Variants in LRRFIP2 observed in about 807,000 individuals in gnomAD.
LRRFIP2 encodes the protein leucine-rich repeat flightless-interacting protein 2.
A neutral mutation model predicts 125.9 loss-of-function variants in LRRFIP2; 109 were observed. That is an observed-to-expected ratio of 0.87 (90% CI 0.74 to 1.01). The LOEUF is 1.01. LRRFIP2 is among the 50% of genes least tolerant of loss of function. The pLI is 0.00. For missense variants in LRRFIP2, 850 were observed against 862.3 expected (o/e 0.99, Z 0.18); for synonymous variants, 291 against 293.1 (o/e 0.99, Z 0.07).
upstream of LRRFIP2, chr3:37,175,994 C>T (rs1389552941): frequency 6.6e-6 from 1 of 152,188 alleles, no homozygotes; most frequent in South Asian, 2.1e-4. Context: ...CTGCGGAGGC[C>T]GGGAAAAAGG....
Position 37,156,673 on chromosome 3 carries a change from CAAAAAAAAA to C in LRRFIP2, c.-55-7644_-55-7636del, listed in dbSNP as rs59647339. Among the ~76,000 whole-genome samples, 66 of 30,562 alleles carry C rather than the reference CAAAAAAAAA, an allele frequency of 2.2e-3. No individual in the cohort carries two copies. In the East Asian group the frequency reaches 0.061, roughly 28 times the overall value. The allele number at this position is 30,562 out of a possible 152,430, so 20.0% of individuals were successfully genotyped here. On this transcript the variant is annotated intron_variant, in intron 1 of 27. Coordinates refer to ENST00000336686, the MANE Select transcript of LRRFIP2 (RefSeq NM_006309.4). Reference sequence around the variant, plus strand: ...TGGGCGACAGAGCGAGACTCAGTATCAAAAAAAAAAAAAAAAAAAAAAAAAAAAAAGAAG... The same window carrying C: ...TGGGCGACAGAGCGAGACTCAGTATCAAAAAAAAAAAAAAAAAAAAAGAAG...
chr3:37,056,259 G>A (rs532527616), intron 25 of LRRFIP2, among the ~76,000 whole-genome samples: 2 of 152,234 alleles, frequency 1.3e-5, no homozygotes, highest in Non-Finnish European at 2.9e-5. Flanking sequence ...GATGGCAGGG[G>A]ACTTTTAAAA....
intron 3 of LRRFIP2, among the ~76,000 whole-genome samples, 171 bp from the exon 4 acceptor site, chr3:37,127,851 C>T (rs1274572761): frequency 3.3e-5 from 5 of 152,166 alleles, no homozygotes; most frequent in African/African-American, 1.2e-4. Flanking sequence ...GTAAGAGATG[C>T]ATGTTTCCCT....
At chr3:37,141,746 G>A (rs997365731) in intron 2 of LRRFIP2, among the ~76,000 whole-genome samples, 1 of 152,086 alleles carries the variant, frequency 6.6e-6, no homozygotes, top group Non-Finnish European at 1.5e-5. Flanking sequence ...TGCAGAAGGC[G>A]GCCACAGGTA....
In LRRFIP2 at chr3:37,105,508, T is replaced by C. The variant is rs987049648; in HGVS notation, c.730A>G (p.Thr244Ala). The C allele has an allele frequency of 6.8e-6, 11 of 1,613,554 alleles. No homozygotes were observed. The highest frequency in any genetic ancestry group is 1.3e-5 in the African/African-American group (1 of 74,924). The change falls in exon 14 of 28, where the codon ACT (threonine) becomes GCT (alanine). Residue 244 changes from threonine (T) to alanine (A), a missense_variant. Coordinates refer to ENST00000336686, the MANE Select transcript of LRRFIP2 (RefSeq NM_006309.4). The part of the protein sequence containing the change: ...RSSPGFTNDD[T>A]ASIVSSDRAS... ...CGATCAGAAGACACAATGCTTGCAGTGTCATCGTTGGTAAACTATAGATAT... is the reference window on the plus strand; with the variant it reads ...CGATCAGAAGACACAATGCTTGCAGCGTCATCGTTGGTAAACTATAGATAT...
chr3:37,176,326 A>C (rs1200812125), upstream of LRRFIP2: 6 of 152,244 alleles, frequency 3.9e-5, no homozygotes, highest in Admixed American at 2.0e-4. Flanking sequence ...CCGACTGAGG[A>C]GGCGAAGGAT....
At chr3:37,127,470 G>GTATA (rs1468593921) in intron 4 of LRRFIP2, among the ~76,000 whole-genome samples, 160 bp downstream of exon 4, 1 of 152,194 alleles carries the variant, frequency 6.6e-6, no homozygotes, top group African/African-American at 2.4e-5. Flanking sequence ...AGGACTCCAA[G>GTATA]TATACCTCTG....
At chr3:37,089,887 G>A (rs2093326870) in intron 18 of LRRFIP2, among the ~76,000 whole-genome samples, 1 of 152,164 alleles carries the variant, frequency 6.6e-6, no homozygotes, top group Non-Finnish European at 1.5e-5. Context: ...AAAGGAGTAA[G>A]ATTAAATGAG....
In LRRFIP2 at chr3:37,054,549, G is replaced by A. The variant is rs370803931; in HGVS notation, c.1951-34C>T. The A allele has an allele frequency of 1.7e-4, 234 of 1,396,576 alleles. 1 individual carries two copies. Among genetic ancestry groups the A allele is most frequent in the Non-Finnish European group, 2.1e-4 (215 of 1,002,866 alleles). 86.5% of individuals were successfully genotyped at this position (1,396,576 alleles called of 1,614,324 possible). ...ATGAGAACATAGGCCTCTAGTACTGGGCACTAGAAGTCACCACTTTTTGGT... is the reference window on the plus strand; with the variant it reads ...ATGAGAACATAGGCCTCTAGTACTGAGCACTAGAAGTCACCACTTTTTGGT... On this transcript the variant is annotated intron_variant, in intron 26 of 27. Transcript: ENST00000336686.
At position 37,060,758 on chromosome 3, in the gene LRRFIP2, A is replaced by G. The variant is rs145017214; in HGVS notation, c.1750-1848T>C. Among the ~76,000 whole-genome samples, 1 of 152,218 alleles carries G rather than the reference A, an allele frequency of 6.6e-6. No homozygotes were observed. Among genetic ancestry groups the G allele is most frequent in the Non-Finnish European group, 1.5e-5 (1 of 68,014 alleles). ...AAATTATATACACTAACTACTTATC[A>G]TTGCCAAAATCCCATTCCTTCATCA... is the stretch of plus-strand genomic sequence containing the variant. On this transcript the variant is annotated intron_variant, in intron 24 of 27. Transcript: ENST00000336686. This position sits in a 1 kb window ranked among gnomAD's most constrained non-coding sequence, Gnocchi z 4.1.
Position 37,060,584 on chromosome 3 carries a change from T to C in LRRFIP2, c.1750-1674A>G, listed in dbSNP as rs938534131. Among the ~76,000 whole-genome samples, 11 of 151,100 alleles carry C rather than the reference T, an allele frequency of 7.3e-5. No homozygotes were observed. The highest frequency in any genetic ancestry group is 2.4e-4 in the African/African-American group (10 of 41,182). ...TCCCCAAGTGCTGGGATTACAGACA[T>C]GAGCCACCATGCCCGGCCCTTTTTT... On this transcript the variant is annotated intron_variant, in intron 24 of 27. Transcript: ENST00000336686. This position sits in a 1 kb window ranked among gnomAD's most constrained non-coding sequence, Gnocchi z 4.1.
chr3:37,156,293 A>G (rs2096189080), intron 1 of LRRFIP2, among the ~76,000 whole-genome samples: 1 of 152,132 alleles, frequency 6.6e-6, no homozygotes, highest in African/African-American at 2.4e-5. Context: ...CAGCCTAGAA[A>G]GCAAAGTGAA....
At chr3:37,087,580 A>G (rs2093139545) in intron 18 of LRRFIP2, among the ~76,000 whole-genome samples, 1 of 151,924 alleles carries the variant, frequency 6.6e-6, no homozygotes. Flanking sequence ...AATTGGTTTT[A>G]CTTAAATGCT....
At chr3:37,085,666 C>G (rs1487093918) in intron 18 of LRRFIP2, among the ~76,000 whole-genome samples, 1 of 151,706 alleles carries the variant, frequency 6.6e-6, no homozygotes, top group Non-Finnish European at 1.5e-5. Context: ...ACTGCAACCT[C>G]CACCTCCCGG....
chr3:37,110,034 C>T (rs1036288601), intron 9 of LRRFIP2, among the ~76,000 whole-genome samples: 10 of 151,878 alleles, frequency 6.6e-5, no homozygotes, highest in Non-Finnish European at 1.2e-4. Flanking sequence ...GTCATGGTAC[C>T]GGGAGTGTGG....
At position 37,147,080 on chromosome 3, in the gene LRRFIP2, C is replaced by T. The variant is rs369989073; in HGVS notation, c.90+1814G>A. ...ATGAACAGACACTTCTCAAAAGAAG[C>T]AATGTATGCAGCCAACAAACATGAA... On this transcript the variant is annotated intron_variant, in intron 2 of 27. Transcript: ENST00000336686. Among the ~76,000 whole-genome samples the T allele has an allele frequency of 2.6e-3, 394 of 152,028 alleles. 1 individual carries two copies. Among genetic ancestry groups the T allele is most frequent in the African/African-American group, 9.0e-3 (374 of 41,512 alleles).
intron 17 of LRRFIP2, among the ~76,000 whole-genome samples, chr3:37,094,513 C>T (rs2093627226): frequency 6.6e-6 from 1 of 152,142 alleles, no homozygotes; most frequent in South Asian, 2.1e-4. Context: ...GAGAGAATTA[C>T]TTTTACATAC....
intron 13 of LRRFIP2, among the ~76,000 whole-genome samples, chr3:37,107,827 A>T (rs984962326): frequency 4.6e-4 from 70 of 152,362 alleles, no homozygotes; most frequent in African/African-American, 1.7e-3. Context: ...AATTAAATAT[A>T]AAAACTTTAA....
chr3:37,118,006 T>C (rs918446616), intron 6 of LRRFIP2, among the ~76,000 whole-genome samples: 2 of 152,196 alleles, frequency 1.3e-5, no homozygotes, highest in Non-Finnish European at 1.5e-5. Context: ...GCTACTGGTA[T>C]ATAAATAGTA....
Sources: gnomAD v4.1 joint callset for allele counts (sites outside exome capture counted in the v4.1 genomes callset) on GRCh38, gnomAD v4.1.1 for gene constraint, Gnocchi (gnomAD v3.1) non-coding constraint, MANE v1.5 for transcripts, NCBI Gene and HGNC (gene_info 2026-07-23, HGNC 2026-07-21) for gene names.